ARID4A: variants seen among roughly 807,000 people sequenced by gnomAD.
ARID4A encodes AT-rich interaction domain 4A, also known as AT-rich interactive domain-containing protein 4A.
ARID4A carries 39 observed loss-of-function variants against 148.6 expected under a neutral mutation model. The ratio of observed to expected loss-of-function variants is 0.26; its 90% CI spans 0.20 to 0.34. The LOEUF is 0.34. Among genes scored for constraint, ARID4A ranks in the 10% least tolerant of loss-of-function variants. The pLI, the probability that ARID4A is intolerant of heterozygous loss-of-function variation, is 1.00. For missense variants in ARID4A, 1,265 were observed against 1,449.1 expected (o/e 0.87, Z 2.06); for synonymous variants, 475 against 481.2 (o/e 0.99, Z 0.17).
intron 5 of ARID4A, among the ~76,000 whole-genome samples, chr14:58,309,650 T>TA (rs922666013): frequency 4.6e-5 from 7 of 152,306 alleles, no homozygotes; most frequent in African/African-American, 1.7e-4. Flanking sequence ...TATAAAAACA[T>TA]ATACTTGAAA....
In ARID4A at chr14:58,320,580, T is replaced by C. The variant is rs111835072; in HGVS notation, c.449+1775T>C. On this transcript the variant is annotated intron_variant, in intron 7 of 23. Coordinates refer to ENST00000355431, the MANE Select transcript of ARID4A (RefSeq NM_002892.4). ...TAATCTAAAAAAATTCTGTAGCCTT[T>C]TTTCTTCCATGACATTGACTTTTTT... Among the ~76,000 whole-genome samples, 322 of 152,008 alleles carry C rather than the reference T, an allele frequency of 2.1e-3. 1 individual carries two copies. The highest frequency in any genetic ancestry group is 7.2e-3 in the African/African-American group (299 of 41,508).
rs368715644 is a variant in ARID4A, at chr14:58,323,541, G to T, written c.506G>T (p.Arg169Leu). Residue 169 changes from arginine to leucine, a missense_variant, in exon 8 of 24, where the codon CGT becomes CTT. Physicochemically the swap from Arg to Leu is moderately radical, Grantham distance 102. This residue lies in a region of ARID4A where 249 missense variants were observed against 277.2 expected (regional missense o/e 0.90). Transcript: ENST00000355431. ...SSEEEDEDKRRLNDELLGKVV... is the reference protein window; with the variant it reads ...SSEEEDEDKRLLNDELLGKVV... ...GAAGAGGAAGATGAAGACAAGCGCC[G>T]TCTCAATGATGAATTACTAGGAAAA... The T allele has an allele frequency of 4.3e-6, 7 of 1,613,980 alleles. No individual in the cohort carries two copies. The highest frequency in any genetic ancestry group is 5.9e-6 in the Non-Finnish European group (7 of 1,180,008).
intron 22 of ARID4A, 64 bp from the exon 23 acceptor site, chr14:58,366,819 A>G: frequency 7.9e-7 from 1 of 1,272,002 alleles, no homozygotes. Context: ...GTTTGATAGA[A>G]TTGTCATCAT....
chr14:58,313,187 G>C (rs1264133903), intron 5 of ARID4A, among the ~76,000 whole-genome samples: 1 of 152,166 alleles, frequency 6.6e-6, no homozygotes, highest in Non-Finnish European at 1.5e-5. Flanking sequence ...GATATAGATA[G>C]ATGATAGATA....
chr14:58,347,145 A>C, intron 14 of ARID4A, 28 bp downstream of exon 14: 1 of 1,190,714 alleles, frequency 8.4e-7, no homozygotes, highest in African/African-American at 1.6e-5. Context: ...TTCATCAAAG[A>C]ATATATATTT....
At chr14:58,305,971 T>G in intron 4 of ARID4A, 51 bp from the exon 5 acceptor site, 1 of 1,319,804 alleles carries the variant, frequency 7.6e-7, no homozygotes, top group Non-Finnish European at 1.1e-6. Context: ...GTGGGAGTGA[T>G]TTGGTTTATT....
At chr14:58,362,930 C>T (rs2140266336) in intron 19 of ARID4A, among the ~76,000 whole-genome samples, 1 of 152,208 alleles carries the variant, frequency 6.6e-6, no homozygotes, top group African/African-American at 2.4e-5. Context: ...CTATACTGAA[C>T]TACATGTTTG....
chr14:58,371,762 T>C (rs1056929554), intron 23 of ARID4A, 124 bp from the exon 24 acceptor site: 7 of 760,170 alleles, frequency 9.2e-6, no homozygotes, highest in Admixed American at 5.0e-5. Context: ...TACTCCTTCA[T>C]GTGACATATA....
Position 58,322,030 on chromosome 14 carries a change from G to A in ARID4A, c.450-1455G>A, listed in dbSNP as rs935421967. ...CTGTCACCCAGACTGTAGTGTAGTG[G>A]TGCGATCTTGGCTCACTGCAACCTC... is the stretch of plus-strand genomic sequence containing the variant. On this transcript the variant is annotated intron_variant, in intron 7 of 23. Coordinates refer to ENST00000355431, the MANE Select transcript of ARID4A (RefSeq NM_002892.4). Among the ~76,000 whole-genome samples, 2 of 151,860 alleles carry A rather than the reference G, an allele frequency of 1.3e-5. 1 individual carries two copies. The highest frequency in any genetic ancestry group is 4.8e-5 in the African/African-American group (2 of 41,298).
intron 7 of ARID4A, among the ~76,000 whole-genome samples, chr14:58,323,242 G>C (rs892777165): frequency 6.6e-6 from 1 of 151,870 alleles, no homozygotes; most frequent in African/African-American, 2.4e-5. Flanking sequence ...GGTGGCATGA[G>C]AGCCTAAGTC....
intron 7 of ARID4A, 59 bp downstream of exon 7, chr14:58,318,864 G>C: frequency 3.6e-6 from 5 of 1,390,448 alleles, no homozygotes; most frequent in Non-Finnish European, 4.0e-6. Context: ...TTAAACAAGG[G>C]ATTTTGTTAG....
Position 58,350,937 on chromosome 14 carries a change from G to C in ARID4A, c.1405-136G>C, listed in dbSNP as rs531487073. The C allele has an allele frequency of 9.6e-4, 670 of 700,452 alleles. 2 individuals are homozygous for C. The highest frequency in any genetic ancestry group is 6.8e-4 in the Non-Finnish European group (310 of 454,216). The allele number at this position is 700,452 out of a possible 1,614,324, so 43.4% of individuals were successfully genotyped here. A position where few individuals can be genotyped will look rare whatever the true frequency, so the allele number is the denominator to read the frequency against. Reference sequence around the variant, plus strand: ...TTTTACTTTCAAAAGGAAGAGAAAGGTACCTTTGAGTTGGTTTTCAGGGCC... The same window carrying C: ...TTTTACTTTCAAAAGGAAGAGAAAGCTACCTTTGAGTTGGTTTTCAGGGCC... On this transcript the variant is annotated intron_variant, in intron 15 of 23. Transcript: ENST00000355431.
chr14:58,373,638 C>T lies in ARID4A; in HGVS notation c.*1649C>T, dbSNP rs1338108512. 1 of 175,666 alleles carries T rather than the reference C, an allele frequency of 5.7e-6. No individual in the cohort carries two copies. Among genetic ancestry groups the T allele is most frequent in the Non-Finnish European group, 1.2e-5 (1 of 81,470 alleles). 10.9% of individuals were successfully genotyped at this position (175,666 alleles called of 1,614,324 possible). A position where few individuals can be genotyped will look rare whatever the true frequency, so the allele number is the denominator to read the frequency against. ...AAAAAAAGTACTCTTGTAAAATGCA[C>T]TTTTCTGTCTTTTCTTTGCAAAGCA... On this transcript the variant is annotated 3_prime_UTR_variant, in exon 24 of 24. Transcript: ENST00000355431.
chr14:58,300,409 T>C (rs761062718), intron 2 of ARID4A, among the ~76,000 whole-genome samples: 3 of 152,234 alleles, frequency 2.0e-5, no homozygotes, highest in Non-Finnish European at 4.4e-5. Flanking sequence ...TGACTGCAAA[T>C]ATCAGTATGT....
intron 23 of ARID4A, among the ~76,000 whole-genome samples, chr14:58,369,240 A>C (rs1403634324): frequency 1.3e-5 from 2 of 152,198 alleles, no homozygotes; most frequent in Non-Finnish European, 2.9e-5. Flanking sequence ...GAACTGAAGG[A>C]TATGAGTTAG....
intron 8 of ARID4A, among the ~76,000 whole-genome samples, chr14:58,324,963 A>T (rs937818656): frequency 1.3e-5 from 2 of 152,016 alleles, no homozygotes; most frequent in African/African-American, 4.8e-5. Context: ...ATAGTAAATT[A>T]AAAAAAACAA....
chr14:58,328,348 G>C, intron 9 of ARID4A, 32 bp downstream of exon 9: 3 of 1,398,018 alleles, frequency 2.1e-6, no homozygotes, highest in Non-Finnish European at 3.0e-6. Flanking sequence ...GATGTTACGT[G>C]GGAGGAAAAA....
chr14:58,344,614 C>A (rs985236855), intron 11 of ARID4A, 81 bp from the exon 12 acceptor site: 13 of 980,196 alleles, frequency 1.3e-5, no homozygotes, highest in East Asian at 2.7e-5. Context: ...GATGACTTTA[C>A]ATTGGGTTCA....
Position 58,342,653 on chromosome 14 carries a change from C to T in ARID4A, c.907-2042C>T, listed in dbSNP as rs1328592773. ...TGAGGCCTGGTATAGTGGCTCACAC[C>T]TGTAATCCCAACACTTTGGGAGGCC... On this transcript the variant is annotated intron_variant, in intron 11 of 23. Coordinates refer to ENST00000355431, the MANE Select transcript of ARID4A (RefSeq NM_002892.4). Among the ~76,000 whole-genome samples, 3 of 152,176 alleles carry T rather than the reference C, an allele frequency of 2.0e-5. 1 individual carries two copies. Among genetic ancestry groups the T allele is most frequent in the Admixed American group, 2.0e-4 (3 of 15,284 alleles).
Sources: allele counts gnomAD v4.1 joint callset (sites outside exome capture counted in the v4.1 genomes callset), GRCh38; gene constraint gnomAD v4.1.1; regional missense constraint gnomAD v4.1.1; transcripts MANE v1.5; gene names NCBI Gene and HGNC (gene_info 2026-07-23, HGNC 2026-07-21).